The following NBPF11 variants were observed in gnomAD, a reference collection of about 807,000 sequenced individuals.
NBPF11 encodes the protein NBPF member 11.
A neutral mutation model predicts 93.9 loss-of-function variants in NBPF11; 72 were observed. The ratio of observed to expected loss-of-function variants is 0.77; its 90% CI spans 0.63 to 0.93. The LOEUF (loss-of-function observed/expected upper bound fraction) is 0.93, where lower values mean the gene tolerates loss of function less well. NBPF11 is among the 40% of genes least tolerant of loss of function. The pLI, the probability that NBPF11 is intolerant of heterozygous loss-of-function variation, is 0.00. For missense variants in NBPF11, 705 were observed against 802.2 expected (o/e 0.88, Z 1.46); for synonymous variants, 224 against 304.9 (o/e 0.73, Z 2.76).
intron 3 of NBPF11, among the ~76,000 whole-genome samples, chr1:148,137,201 C>G (rs1483534535): frequency 6.6e-6 from 1 of 151,900 alleles, no homozygotes; most frequent in Non-Finnish European, 1.5e-5. Context: ...CATGACAGAG[C>G]TTTGTGTGGC....
chr1:148,104,331 T>C (rs1242637443), intron 23 of NBPF11, among the ~76,000 whole-genome samples: 1 of 145,612 alleles, frequency 6.9e-6, no homozygotes, highest in Non-Finnish European at 1.5e-5. Flanking sequence ...TTTTGAAGTA[T>C]GGTCCACCTA....
intron 9 of NBPF11, among the ~76,000 whole-genome samples, chr1:148,121,511 CTAA>C (rs1447595905): frequency 6.6e-6 from 1 of 151,132 alleles, no homozygotes; most frequent in Non-Finnish European, 1.5e-5. Context: ...CCGCGCCCAG[CTAA>C]TTTCTTTTTT....
intron 6 of NBPF11, among the ~76,000 whole-genome samples, chr1:148,124,273 T>A (rs1297600386): frequency 6.6e-6 from 1 of 151,870 alleles, no homozygotes; most frequent in Non-Finnish European, 1.5e-5. Flanking sequence ...TCCTGCAAGA[T>A]CCTCGATGAT....
At chr1:148,111,640 A>C (rs1193679912) in intron 15 of NBPF11, among the ~76,000 whole-genome samples, 4 of 151,532 alleles carry the variant, frequency 2.6e-5, no homozygotes, top group Non-Finnish European at 5.9e-5. Flanking sequence ...GATCAAGTGC[A>C]AGAAACGGTA....
intron 10 of NBPF11, among the ~76,000 whole-genome samples, chr1:148,119,335 A>G (rs1667285960): frequency 6.6e-6 from 1 of 151,286 alleles, no homozygotes; most frequent in Non-Finnish European, 1.5e-5. Flanking sequence ...TGAAGAACTA[A>G]TAGATAGTGT....
intron 8 of NBPF11, 140 bp from the exon 9 acceptor site, chr1:148,122,406 AG>A: frequency 1.4e-6 from 2 of 1,404,588 alleles, no homozygotes; most frequent in Non-Finnish European, 2.0e-6. Context: ...AAGAGGGAAC[AG>A]GCAATCCTCT....
In NBPF11 at chr1:148,121,724, G is replaced by A. The variant is rs1224696063; in HGVS notation, c.778+331C>T. On this transcript the variant is annotated intron_variant, in intron 9 of 23. Coordinates refer to ENST00000682118, the MANE Select transcript of NBPF11 (RefSeq NM_001385469.3). ...GTCTAGCCTGACAGAAGTGAATGAG[G>A]GTGGGAGGATCATCTCAGCCCATCC... Among the ~76,000 whole-genome samples the A allele has an allele frequency of 1.6e-3, 238 of 152,030 alleles. 1 individual carries two copies. The highest frequency in any genetic ancestry group is 3.4e-3 in the Middle Eastern group (1 of 290).
At chr1:148,146,531 G>C in intron 1 of NBPF11, 1 of 1,603,292 alleles carries the variant, frequency 6.2e-7, no homozygotes, top group Non-Finnish European at 8.5e-7. Flanking sequence ...CTGGGGCCTG[G>C]TGGGGCCGGG....
chr1:148,109,102 G>A (rs1347811440), intron 17 of NBPF11, among the ~76,000 whole-genome samples, 182 bp downstream of exon 17: 18 of 151,476 alleles, frequency 1.2e-4, no homozygotes, highest in Admixed American at 1.2e-3. Context: ...TAAATGATAA[G>A]GGTAGGAAGA....
chr1:148,141,369 A>C (rs2149290815), intron 2 of NBPF11, among the ~76,000 whole-genome samples: 1 of 152,060 alleles, frequency 6.6e-6, no homozygotes, highest in East Asian at 1.9e-4. Flanking sequence ...ACAACATACT[A>C]ATAGGGGAAA....
At chr1:148,133,401 A>G (rs1256712164) in intron 4 of NBPF11, among the ~76,000 whole-genome samples, 5 of 152,134 alleles carry the variant, frequency 3.3e-5, no homozygotes, top group Non-Finnish European at 7.3e-5. Context: ...TCTCTGATTT[A>G]ATAGAAAAGC....
At chr1:148,132,067 T>G (rs1467828899) in intron 4 of NBPF11, among the ~76,000 whole-genome samples, 1 of 145,920 alleles carries the variant, frequency 6.9e-6, no homozygotes, top group Non-Finnish European at 1.5e-5. Flanking sequence ...TTCTGAAGTA[T>G]CTATTCAAGT....
intron 15 of NBPF11, among the ~76,000 whole-genome samples, chr1:148,112,961 T>G (rs1665651222): frequency 1.3e-5 from 2 of 151,654 alleles, no homozygotes; most frequent in Admixed American, 1.3e-4. Context: ...AAAGAGCTCC[T>G]AAAGGAAGCA....
At chr1:148,108,696 C>G (rs1228279174) in intron 17 of NBPF11, 42 bp from the exon 18 acceptor site, 2 of 775,954 alleles carry the variant, frequency 2.6e-6, no homozygotes, top group East Asian at 5.0e-5. Context: ...CAGGGGGAAT[C>G]AGAAACCACA....
chr1:148,139,361 C>G (rs1391269390), intron 2 of NBPF11, among the ~76,000 whole-genome samples: 4 of 144,312 alleles, frequency 2.8e-5, no homozygotes, highest in Non-Finnish European at 6.0e-5. Context: ...CACAATAGTC[C>G]ACTACATAAA....
At chr1:148,133,543 A>C (rs1489476153) in intron 4 of NBPF11, among the ~76,000 whole-genome samples, 1 of 152,124 alleles carries the variant, frequency 6.6e-6, no homozygotes, top group Admixed American at 6.5e-5. Context: ...TAAATCATGA[A>C]AAAAGTTTTC....
At chr1:148,115,533 G>C (rs1399539479) in intron 14 of NBPF11, among the ~76,000 whole-genome samples, 1 of 151,668 alleles carries the variant, frequency 6.6e-6, no homozygotes, top group African/African-American at 2.4e-5. Context: ...TAGGAGGCCT[G>C]ACAGATACTG....
chr1:148,120,288 G>T (rs1667524248), intron 10 of NBPF11, among the ~76,000 whole-genome samples: 1 of 152,010 alleles, frequency 6.6e-6, no homozygotes, highest in South Asian at 2.1e-4. Context: ...TTTAACTCTA[G>T]TCCCACCCCC....
intron 1 of NBPF11, among the ~76,000 whole-genome samples, chr1:148,145,759 G>A (rs1410918460): frequency 6.6e-6 from 1 of 150,680 alleles, no homozygotes; most frequent in African/African-American, 2.5e-5. Flanking sequence ...GTCTCCTGTA[G>A]GTCCCAGCTA....
Sources: allele counts gnomAD v4.1 joint callset (sites outside exome capture counted in the v4.1 genomes callset), GRCh38; gene constraint gnomAD v4.1.1; transcripts MANE v1.5; gene names NCBI Gene and HGNC (gene_info 2026-07-23, HGNC 2026-07-21).